SORCS2: variants seen among roughly 807,000 people sequenced by gnomAD.
SORCS2 encodes the protein VPS10 domain-containing receptor SorCS2.
In SORCS2, 100 loss-of-function variants were observed where a neutral mutation model predicts 141.6. The observed-to-expected ratio is 0.71, with a 90% confidence interval of 0.60 to 0.83. SORCS2 has a LOEUF of 0.83. Ranked by LOEUF, SORCS2 falls within the 40% of genes least tolerant of loss-of-function variation. SORCS2 has a pLI of 0.00. For missense variants in SORCS2, 1,646 were observed against 1,560.2 expected (o/e 1.05, Z -0.93); for synonymous variants, 789 against 676.9 (o/e 1.17, Z -2.57).
intron 1 of SORCS2, among the ~76,000 whole-genome samples, chr4:7,276,567 C>T (rs1039381324): frequency 1.3e-5 from 2 of 152,156 alleles, no homozygotes; most frequent in African/African-American, 4.8e-5. Context: ...CTTCCTGCCT[C>T]CCCCGCTCCA....
rs4234825 is a variant in SORCS2 at position 7,550,771 on chromosome 4, T to G, written c.648+19142T>G. Among the ~76,000 whole-genome samples, 4 of 152,310 alleles carry G rather than the reference T, an allele frequency of 2.6e-5. No individual in the cohort carries two copies. The East Asian group carries it at 7.7e-4, about 29-fold the overall frequency. Reference sequence around the variant, plus strand: ...TCCTTCACGAGGAAAATGGAGTCATTTTACCAAACAAAGTGGGGAGTGTGT... The same window carrying G: ...TCCTTCACGAGGAAAATGGAGTCATGTTACCAAACAAAGTGGGGAGTGTGT... On this transcript the variant is annotated intron_variant, in intron 3 of 26. Transcript: ENST00000507866.
intron 1 of SORCS2, among the ~76,000 whole-genome samples, chr4:7,211,348 G>A (rs1269452374): frequency 2.0e-5 from 3 of 152,202 alleles, no homozygotes; most frequent in Admixed American, 6.5e-5. Flanking sequence ...CGCTGGGACG[G>A]TCACTCCCTG....
At chr4:7,720,842 G>A (rs959270624) in intron 18 of SORCS2, among the ~76,000 whole-genome samples, 4 of 152,328 alleles carry the variant, frequency 2.6e-5, no homozygotes, top group Admixed American at 1.3e-4. Flanking sequence ...ATGAAGTACC[G>A]GTGAGGATGC....
At chr4:7,266,320 C>G (rs566131602) in intron 1 of SORCS2, among the ~76,000 whole-genome samples, 1 of 152,172 alleles carries the variant, frequency 6.6e-6, no homozygotes, top group African/African-American at 2.4e-5. Flanking sequence ...GGTGAAGTGT[C>G]GGAGCTTCCT....
chr4:7,369,093 G>A (rs1722089850), intron 1 of SORCS2, among the ~76,000 whole-genome samples: 1 of 152,158 alleles, frequency 6.6e-6, no homozygotes, highest in African/African-American at 2.4e-5. Flanking sequence ...GATCACTTGA[G>A]GTCAGGAGTT....
intron 3 of SORCS2, among the ~76,000 whole-genome samples, chr4:7,589,601 C>A (rs1577800551): frequency 6.6e-6 from 1 of 152,148 alleles, no homozygotes; most frequent in Non-Finnish European, 1.5e-5. Flanking sequence ...AGGGGTTTCA[C>A]CATATTGGCC....
rs542545058 is a variant in SORCS2, at chr4:7,733,251, C to T, written c.3109-71C>T. 1.5e-5 allele frequency: 18 copies of T among 1,210,950 alleles called. No homozygotes were observed. In the Admixed American group the frequency reaches 4.0e-4, roughly 27 times the overall value. 75.0% of individuals were successfully genotyped at this position (1,210,950 alleles called of 1,614,324 possible). A position where few individuals can be genotyped will look rare whatever the true frequency, so the allele number is the denominator to read the frequency against. The stretch of plus-strand genomic sequence containing the variant: ...CCTCACTCCCCTCCTGGAGGAGGAC[C>T]CCATCCCCCTTCCCTTTTGGCAGAG... On this transcript the variant is annotated intron_variant, in intron 23 of 26. Coordinates refer to ENST00000507866, the MANE Select transcript of SORCS2 (RefSeq NM_020777.3).
intron 9 of SORCS2, among the ~76,000 whole-genome samples, chr4:7,676,817 C>CCACCCCAGCCCCT (rs2108954026): frequency 9.0e-6 from 1 of 110,664 alleles, no homozygotes; most frequent in African/African-American, 3.3e-5. Context: ...CTCTCTCTCT[C>CCACCCCAGCCCCT]TCTCTCTCTC....
rs568180983 is a variant in SORCS2, at chr4:7,725,786, A to G, written c.2745+499A>G. On this transcript the variant is annotated intron_variant, in intron 20 of 26. Transcript: ENST00000507866. The stretch of plus-strand genomic sequence containing the variant: ...GCAGAATGCCTGGACTGGGGGCAAG[A>G]CCCAGTGAAGGGCATCCTCCACTCA... Among the ~76,000 whole-genome samples, 24 of 152,142 alleles carry G rather than the reference A, an allele frequency of 1.6e-4. 1 individual carries two copies. The highest frequency in any genetic ancestry group is 2.9e-4 in the Non-Finnish European group (20 of 68,020).
At chr4:7,343,047 T>G in intron 1 of SORCS2, among the ~76,000 whole-genome samples, 1 of 152,156 alleles carries the variant, frequency 6.6e-6, no homozygotes, top group Non-Finnish European at 1.5e-5. Flanking sequence ...AGAGCAACGT[T>G]GACGTAGTCC....
At chr4:7,276,472 C>T (rs1715509894) in intron 1 of SORCS2, among the ~76,000 whole-genome samples, 1 of 152,304 alleles carries the variant, frequency 6.6e-6, no homozygotes, top group East Asian at 1.9e-4. Flanking sequence ...AAACCCAAGC[C>T]ATCTCTTCCT....
At chr4:7,621,467 GTGTGTGTCTGTGTGTGTTTATA>G (rs925181357) in intron 3 of SORCS2, among the ~76,000 whole-genome samples, 3 of 151,144 alleles carry the variant, frequency 2.0e-5, no homozygotes, top group African/African-American at 7.3e-5. Context: ...GAGTGTTTAT[GTGTGTGTCTGTGTGTGTTTATA>G]TGTGTGTCTA....
At chr4:7,515,691 C>A (rs1560347832) in intron 2 of SORCS2, among the ~76,000 whole-genome samples, 2 of 152,114 alleles carry the variant, frequency 1.3e-5, no homozygotes, top group Non-Finnish European at 2.9e-5. Context: ...ATTCACGGAC[C>A]AGTTTCTGCT....
At chr4:7,280,704 G>T (rs188553283) in intron 1 of SORCS2, among the ~76,000 whole-genome samples, 1 of 152,124 alleles carries the variant, frequency 6.6e-6, no homozygotes. Context: ...CCGCATCCTC[G>T]CCAGCATTTT....
intron 3 of SORCS2, among the ~76,000 whole-genome samples, chr4:7,558,311 G>GGTGGCC (rs1302646452): frequency 6.6e-6 from 1 of 152,132 alleles, no homozygotes; most frequent in African/African-American, 2.4e-5. Context: ...TGCATCGTAG[G>GGTGGCC]GTGGCCTTGG....
At chr4:7,291,282 C>G (rs1422993434) in intron 1 of SORCS2, among the ~76,000 whole-genome samples, 2 of 152,102 alleles carry the variant, frequency 1.3e-5, no homozygotes, top group Non-Finnish European at 2.9e-5. Flanking sequence ...AAAAGCAGGA[C>G]AGGGGTGTGG....
chr4:7,568,679 CTG>C (rs1431077734), intron 3 of SORCS2, among the ~76,000 whole-genome samples: 2 of 152,232 alleles, frequency 1.3e-5, no homozygotes, highest in Admixed American at 1.3e-4. Flanking sequence ...ATGTTGGTCA[CTG>C]TGTTTCCCTC....
chr4:7,517,426 C>T (rs1380144415), intron 2 of SORCS2, among the ~76,000 whole-genome samples: 1 of 152,178 alleles, frequency 6.6e-6, no homozygotes, highest in Non-Finnish European at 1.5e-5. Flanking sequence ...TTTCAGATGG[C>T]TCTGACCTCA....
chr4:7,537,926 C>T (rs1352727449), intron 3 of SORCS2, among the ~76,000 whole-genome samples: 1 of 152,078 alleles, frequency 6.6e-6, no homozygotes, highest in Non-Finnish European at 1.5e-5. Flanking sequence ...GTTGAGCCTG[C>T]CGTGATCTAT....
Sources: gnomAD v4.1 joint callset for allele counts (sites outside exome capture counted in the v4.1 genomes callset) on GRCh38, gnomAD v4.1.1 for gene constraint, MANE v1.5 for transcripts, NCBI Gene and HGNC (gene_info 2026-07-23, HGNC 2026-07-21) for gene names.